MRM1: variants seen among roughly 807,000 people sequenced by gnomAD.
MRM1 encodes rRNA methyltransferase 1, mitochondrial.
A neutral mutation model predicts 25.0 loss-of-function variants in MRM1; 24 were observed. That is an observed-to-expected ratio of 0.96 (90% confidence interval 0.69 to 1.35). The LOEUF is 1.35. Among genes scored for constraint, MRM1 ranks in the 40% most tolerant of loss-of-function variants. The pLI is 0.00. For synonymous variants in MRM1, 188 were observed against 199.2 expected, an observed-to-expected ratio of 0.94 and a Z score of 0.47; for missense variants, 431 against 464.1, an observed-to-expected ratio of 0.93 and a Z score of 0.65.
At chr17:36,609,059 C>T (rs547985637), downstream of MRM1, 1 of 152,472 alleles carries the variant, frequency 6.6e-6, no homozygotes, top group African/African-American at 2.4e-5. Flanking sequence ...CGGGGAGACT[C>T]CTGGCTGCAG....
chr17:36,625,462 CT>C, the MRM1 span, among the ~76,000 whole-genome samples: 6 of 102,000 alleles, frequency 5.9e-5, no homozygotes, highest in East Asian at 2.9e-4. Flanking sequence ...CCTCCTCCTC[CT>C]TTTTTTTTTT....
intron 2 of MRM1, among the ~76,000 whole-genome samples, chr17:36,605,130 AACTC>A (rs1212783858): frequency 6.7e-6 from 1 of 149,392 alleles, no homozygotes; most frequent in Non-Finnish European, 1.5e-5. Context: ...ATAAGAGTGA[AACTC>A]TATCTCAAAA....
At chr17:36,607,602 G>A (rs943076584) in intron 2 of MRM1, 68 bp from the exon 3 acceptor site, 16 of 1,523,906 alleles carry the variant, frequency 1.0e-5, no homozygotes, top group African/African-American at 4.1e-5. Flanking sequence ...CAGCCTGAGC[G>A]AGAGTAAGAC....
At chr17:36,628,140 A>G in the MRM1 span, among the ~76,000 whole-genome samples, 1 of 152,118 alleles carries the variant, frequency 6.6e-6, no homozygotes, top group Non-Finnish European at 1.5e-5. Context: ...ATACCATTTT[A>G]CTGAGAGAGA....
chr17:36,626,789 T>A, the MRM1 span, among the ~76,000 whole-genome samples: 1 of 152,206 alleles, frequency 6.6e-6, no homozygotes, highest in Non-Finnish European at 1.5e-5. Context: ...GAGGGTGACG[T>A]GGCCTGTAAG....
chr17:36,607,056 A>G (rs1013314607), intron 2 of MRM1, among the ~76,000 whole-genome samples: 1 of 151,932 alleles, frequency 6.6e-6, no homozygotes. Flanking sequence ...CTGGGATTAC[A>G]GGCATGCACC....
Position 36,601,940 on chromosome 17 carries a change from G to C in MRM1, c.130G>C (p.Val44Leu). The stretch of plus-strand genomic sequence containing the variant: ...AAGCCGCTTGCTGCTGGATGACCTG[G>C]TGCCGACCTCTCGGCTGGAGCTTCT... ...ELSRLLLDDLVPTSRLELLFG... is the reference protein window; with the variant it reads ...ELSRLLLDDLLPTSRLELLFG... The change falls in exon 1 of 5, where the codon GTG (valine) becomes CTG (leucine). Residue 44 changes from valine to leucine, a missense_variant. By Grantham distance (32) the Val-to-Leu change is conservative (BLOSUM62 1). Transcript: ENST00000614766. 6.2e-7 allele frequency: 1 copy of C among 1,613,088 alleles called. No homozygotes were observed.
intron 2 of MRM1, among the ~76,000 whole-genome samples, chr17:36,606,908 G>GT (rs1476948244): frequency 0.2 from 28,463 of 141,084 alleles, 3,486 homozygotes; most frequent in African/African-American, 0.28. Context: ...ACTGCGCCTG[G>GT]TTTTTTGTTT....
chr17:36,625,460 TC>T, the MRM1 span, among the ~76,000 whole-genome samples: 1 of 57,532 alleles, frequency 1.7e-5, no homozygotes, highest in African/African-American at 8.3e-5. Flanking sequence ...CTCCTCCTCC[TC>T]CTTTTTTTTT....
At chr17:36,611,943 T>C (rs2074979009), downstream of MRM1, among the ~76,000 whole-genome samples, 1 of 132,022 alleles carries the variant, frequency 7.6e-6, no homozygotes, top group South Asian at 2.4e-4. Flanking sequence ...TATAATCTCT[T>C]GAACACACGC....
chr17:36,606,800 G>A (rs913230542), intron 2 of MRM1, among the ~76,000 whole-genome samples: 4 of 151,844 alleles, frequency 2.6e-5, no homozygotes, highest in Non-Finnish European at 5.9e-5. Context: ...TAGTAGAGAC[G>A]GAGTTTCACC....
chr17:36,631,067 A>G, the MRM1 span, among the ~76,000 whole-genome samples: 1 of 152,234 alleles, frequency 6.6e-6, no homozygotes. Context: ...CGGGATGACC[A>G]TGAATGTTAG....
the MRM1 span, among the ~76,000 whole-genome samples, chr17:36,631,052 C>T: frequency 1.3e-5 from 2 of 152,186 alleles, no homozygotes; most frequent in Non-Finnish European, 2.9e-5. Flanking sequence ...ACAATGTCTC[C>T]CCCACGGGAT....
At position 36,602,419 on chromosome 17, in the gene MRM1, G is replaced by A. The variant is rs766248857; in HGVS notation, c.542+67G>A. ...CGCAGCCGAGTTCCTAAGCACCTTG[G>A]CCCTTGGGTGATCCCTTAGCCAGAC... On this transcript the variant is annotated intron_variant, in intron 1 of 4. Coordinates refer to ENST00000614766, the MANE Select transcript of MRM1 (RefSeq NM_024864.5). The surrounding 1 kb of genome is among the most constrained non-coding windows in gnomAD (Gnocchi z 4.1). The A allele has an allele frequency of 3.2e-6, 5 of 1,561,460 alleles. No individual in the cohort carries two copies. The highest frequency in any genetic ancestry group is 4.3e-6 in the Non-Finnish European group (5 of 1,150,856).
At chr17:36,625,491 G>GTCTT in the MRM1 span, among the ~76,000 whole-genome samples, 1 of 89,240 alleles carries the variant, frequency 1.1e-5, no homozygotes, top group South Asian at 4.0e-4. Context: ...TTGAGAAAGA[G>GTCTT]TCTTACTCTG....
At chr17:36,621,649 A>C in the MRM1 span, among the ~76,000 whole-genome samples, 1 of 152,148 alleles carries the variant, frequency 6.6e-6, no homozygotes, top group African/African-American at 2.4e-5. Context: ...ATTTGCTGTG[A>C]GTACACTTTG....
At chr17:36,615,435 C>T in the MRM1 span, among the ~76,000 whole-genome samples, 9 of 150,662 alleles carry the variant, frequency 6.0e-5, no homozygotes, top group South Asian at 4.2e-4. Context: ...CCGAGGTGGG[C>T]GAATCATGAG....
the MRM1 span, among the ~76,000 whole-genome samples, chr17:36,632,112 C>T: frequency 6.6e-6 from 1 of 152,052 alleles, no homozygotes; most frequent in Admixed American, 6.5e-5. Context: ...GCCTTGGCCT[C>T]TCAAAGTGCT....
rs1156666485 is a variant in MRM1, at chr17:36,608,665, G to A, written c.*250G>A. On this transcript the variant is annotated 3_prime_UTR_variant, in exon 5 of 5. Transcript: ENST00000614766. ...GAAGCCATGATGGCCTAGCATGGAG[G>A]GAATCTGTTCCCAGGCCCTGCCTGG... is the stretch of plus-strand genomic sequence containing the variant. The A allele has an allele frequency of 2.5e-5, 10 of 398,298 alleles. No individual in the cohort carries two copies. Among genetic ancestry groups the A allele is most frequent in the Non-Finnish European group, 4.4e-5 (10 of 226,140 alleles). The allele number at this position is 398,298 out of a possible 1,614,324, so 24.7% of individuals were successfully genotyped here.
Sources: allele counts gnomAD v4.1 joint callset (sites outside exome capture counted in the v4.1 genomes callset), GRCh38; gene constraint gnomAD v4.1.1; non-coding constraint Gnocchi (gnomAD v3.1); transcripts MANE v1.5; gene names NCBI Gene and HGNC (gene_info 2026-07-23, HGNC 2026-07-21).